The following FGF12 variants were observed in gnomAD, a reference collection of about 807,000 sequenced individuals.
FGF12 encodes the protein fibroblast growth factor 12.
In FGF12, 14 loss-of-function variants were observed where a neutral mutation model predicts 23.6. The observed-to-expected ratio is 0.59, with a 90% CI of 0.39 to 0.93. The LOEUF (loss-of-function observed/expected upper bound fraction) is 0.93, where lower values mean the gene tolerates loss of function less well. Among genes scored for constraint, FGF12 ranks in the 40% least tolerant of loss-of-function variants. FGF12 has a pLI of 0.00. For synonymous variants in FGF12, 62 were observed against 77.3 expected (o/e 0.80, Z 1.04); for missense variants, 175 against 217.8 (o/e 0.80, Z 1.24).
chr3:192,601,942 C>A (rs1477998142), intron 2 of FGF12, among the ~76,000 whole-genome samples: 2 of 152,002 alleles, frequency 1.3e-5, no homozygotes, highest in African/African-American at 4.8e-5. Context: ...TTTTGTTTCA[C>A]AGTTGGTTGA....
In FGF12 at chr3:192,320,571, C is replaced by T. The variant is rs550262136; in HGVS notation, c.228+14790G>A. ...CCATATGCTAGGTCACAAAACAAGT[C>T]TTGGAAAATTCAAAAAAACTGAGAT... On this transcript the variant is annotated intron_variant, in intron 4 of 5. Coordinates refer to ENST00000445105, the MANE Select transcript of FGF12 (RefSeq NM_004113.6). 1.3e-4 allele frequency among the ~76,000 whole-genome samples: 20 copies of T among 152,246 alleles called. No homozygotes were observed. In the South Asian group the frequency reaches 3.7e-3, roughly 28 times the overall value.
Position 192,246,855 on chromosome 3 carries a change from A to AAG in FGF12, c.229-76201_229-76200dup, listed in dbSNP as rs778432144. ...AAAAAAAAAGGAGAGAGAGAGAGGA[A>AAG]AGAGAGAGAGAGAGAAAGAAAGAGA... On this transcript the variant is annotated intron_variant, in intron 4 of 5. Coordinates refer to ENST00000445105, the MANE Select transcript of FGF12 (RefSeq NM_004113.6). 8.3e-3 allele frequency among the ~76,000 whole-genome samples: 1,232 copies of AAG among 148,240 alleles called. 12 individuals are homozygous for AAG. Among genetic ancestry groups the AAG allele is most frequent in the African/African-American group, 0.02 (820 of 40,300 alleles).
At chr3:192,636,152 T>C (rs967582105) in intron 2 of FGF12, among the ~76,000 whole-genome samples, 2 of 152,190 alleles carry the variant, frequency 1.3e-5, no homozygotes. Flanking sequence ...AATACAATCA[T>C]GTAATGTATA....
At chr3:192,425,828 G>A (rs1339381460) in intron 2 of FGF12, among the ~76,000 whole-genome samples, 4 of 151,952 alleles carry the variant, frequency 2.6e-5, no homozygotes, top group African/African-American at 4.8e-5. Flanking sequence ...GTTTAAATGT[G>A]GTACAACAGA....
chr3:192,633,300 C>T (rs912901634), intron 2 of FGF12, among the ~76,000 whole-genome samples: 4 of 152,114 alleles, frequency 2.6e-5, no homozygotes, highest in Non-Finnish European at 4.4e-5. Flanking sequence ...CCTGCCTCTG[C>T]CTCCCAAAGT....
At chr3:192,157,139 G>A (rs990703257) in intron 5 of FGF12, among the ~76,000 whole-genome samples, 4 of 152,182 alleles carry the variant, frequency 2.6e-5, no homozygotes, top group Non-Finnish European at 5.9e-5. Flanking sequence ...GTATTTACTA[G>A]AAACCAGTTT....
intron 4 of FGF12, among the ~76,000 whole-genome samples, chr3:192,222,863 T>C (rs1188416183): frequency 2.0e-5 from 3 of 152,108 alleles, no homozygotes; most frequent in African/African-American, 7.2e-5. Flanking sequence ...TCATTACTTA[T>C]TCTGCAAAAA....
rs1385652019 is a variant in FGF12, at chr3:192,158,330, TTCTC to T, written c.427+12124_427+12127del. Reference sequence around the variant, plus strand: ...TTCCCTTTTCTCTTTCTTTCTTTCTTTCTCTTTCTTTCTTTCTTTCTTTCTTTCT... The same window carrying T: ...TTCCCTTTTCTCTTTCTTTCTTTCTTTTTCTTTCTTTCTTTCTTTCTTTCT... On this transcript the variant is annotated intron_variant, in intron 5 of 5. Coordinates refer to ENST00000445105, the MANE Select transcript of FGF12 (RefSeq NM_004113.6). Among the ~76,000 whole-genome samples, 89 of 79,676 alleles carry T rather than the reference TTCTC, an allele frequency of 1.1e-3. 2 individuals carry two copies. Among genetic ancestry groups the T allele is most frequent in the African/African-American group, 5.8e-3 (84 of 14,380 alleles). The allele number at this position is 79,676 out of a possible 152,430, so 52.3% of individuals were successfully genotyped here.
At chr3:192,555,458 G>T (rs1294648170) in intron 2 of FGF12, among the ~76,000 whole-genome samples, 1 of 151,872 alleles carries the variant, frequency 6.6e-6, no homozygotes, top group Non-Finnish European at 1.5e-5. Flanking sequence ...TACAAAAAAT[G>T]ACAATAAAAA....
intron 4 of FGF12, among the ~76,000 whole-genome samples, chr3:192,255,055 T>C (rs534316357): frequency 2.0e-5 from 3 of 152,148 alleles, no homozygotes; most frequent in Admixed American, 6.5e-5. Context: ...TGAATTGTGA[T>C]TCCCCTGTTT....
At chr3:192,406,677 C>A (rs189848939) in intron 2 of FGF12, among the ~76,000 whole-genome samples, 1 of 152,158 alleles carries the variant, frequency 6.6e-6, no homozygotes, top group Admixed American at 6.5e-5. Context: ...ACTTTATCAT[C>A]ATCACAAAAT....
intron 2 of FGF12, among the ~76,000 whole-genome samples, chr3:192,448,797 T>C (rs976880882): frequency 1.3e-5 from 2 of 152,208 alleles, no homozygotes; most frequent in African/African-American, 4.8e-5. Flanking sequence ...TTTATACTGA[T>C]GAATGGCCAC....
intron 2 of FGF12, among the ~76,000 whole-genome samples, chr3:192,561,158 A>G (rs1174757497): frequency 2.6e-5 from 4 of 152,138 alleles, no homozygotes; most frequent in Non-Finnish European, 5.9e-5. Context: ...ATATATACAC[A>G]CACACAAACA....
rs11289130 is a variant in FGF12 at position 192,555,630 on chromosome 3, C to CA, written c.13+171550dup. Among the ~76,000 whole-genome samples, 769 of 84,018 alleles carry CA rather than the reference C, an allele frequency of 9.2e-3. 7 individuals carry two copies. Among genetic ancestry groups the CA allele is most frequent in the South Asian group, 0.037 (76 of 2,050 alleles). The allele number at this position is 84,018 out of a possible 152,430, so 55.1% of individuals were successfully genotyped here. On this transcript the variant is annotated intron_variant, in intron 2 of 5. Transcript: ENST00000445105. ...AGACCCTGTCTTTACTAAAAAGTAC[C>CA]AAAAAAAAAAAAAAAAAAAAGGCCA... is the stretch of plus-strand genomic sequence containing the variant.
At chr3:192,355,329 G>T (rs543243395) in intron 3 of FGF12, among the ~76,000 whole-genome samples, 1 of 152,272 alleles carries the variant, frequency 6.6e-6, no homozygotes, top group South Asian at 2.1e-4. Flanking sequence ...TAAGTTAAAA[G>T]AAGGTGCTGA....
chr3:192,459,174 T>C (rs1722778018), intron 2 of FGF12, among the ~76,000 whole-genome samples: 1 of 152,210 alleles, frequency 6.6e-6, no homozygotes, highest in Non-Finnish European at 1.5e-5. Context: ...AGACTTCATC[T>C]TGTCTATTTT....
intron 2 of FGF12, among the ~76,000 whole-genome samples, chr3:192,466,783 G>GAA (rs1440235142): frequency 6.6e-6 from 1 of 152,028 alleles, no homozygotes; most frequent in African/African-American, 2.4e-5. Context: ...ACACTCACAG[G>GAA]GTATGGAAGA....
At chr3:192,297,219 A>G (rs899004550) in intron 4 of FGF12, among the ~76,000 whole-genome samples, 1 of 152,202 alleles carries the variant, frequency 6.6e-6, no homozygotes, top group Non-Finnish European at 1.5e-5. Context: ...CACAAACAAG[A>G]CCGATTCATT....
intron 4 of FGF12, among the ~76,000 whole-genome samples, chr3:192,182,327 A>G (rs1716225583): frequency 6.6e-6 from 1 of 152,172 alleles, no homozygotes; most frequent in Non-Finnish European, 1.5e-5. Context: ...CAATTAATGT[A>G]CTAGTTAAAT....
Sources: allele counts gnomAD v4.1 joint callset (sites outside exome capture counted in the v4.1 genomes callset), GRCh38; gene constraint gnomAD v4.1.1; transcripts MANE v1.5; gene names NCBI Gene and HGNC (gene_info 2026-07-23, HGNC 2026-07-21).